The following RSPO2 variants were observed in gnomAD, a reference collection of about 807,000 sequenced individuals.
RSPO2 encodes the protein R-spondin 2.
In RSPO2, 14 loss-of-function variants were observed where a neutral mutation model predicts 30.9. The ratio of observed to expected loss-of-function variants is 0.45; its 90% CI spans 0.30 to 0.71. RSPO2 has a LOEUF of 0.71. RSPO2 is among the 30% of genes least tolerant of loss of function. The pLI, the probability that RSPO2 is intolerant of heterozygous loss-of-function variation, is 0.08. For synonymous variants in RSPO2, 107 were observed against 96.4 expected (o/e 1.11, Z -0.64); for missense variants, 264 against 301.9 (o/e 0.87, Z 0.93).
chr8:107,914,476 T>A (rs1234062032), intron 5 of RSPO2, among the ~76,000 whole-genome samples: 3 of 146,832 alleles, frequency 2.0e-5, no homozygotes, highest in Admixed American at 1.4e-4. Context: ...AAAAAAAAAA[T>A]ACCTTTTAAC....
intron 2 of RSPO2, among the ~76,000 whole-genome samples, chr8:108,002,069 T>C (rs1005949500): frequency 2.0e-5 from 3 of 152,180 alleles, no homozygotes; most frequent in African/African-American, 4.8e-5. Context: ...AAAGTTAGCA[T>C]GCGTGCTATC....
intron 5 of RSPO2, among the ~76,000 whole-genome samples, chr8:107,940,667 G>A (rs903719208): frequency 6.6e-6 from 1 of 152,142 alleles, no homozygotes; most frequent in Non-Finnish European, 1.5e-5. Flanking sequence ...GTAGAGTCTA[G>A]CAAGCAATGT....
intron 5 of RSPO2, among the ~76,000 whole-genome samples, chr8:107,919,561 G>A (rs1288061598): frequency 6.6e-6 from 1 of 152,136 alleles, no homozygotes; most frequent in Non-Finnish European, 1.5e-5. Flanking sequence ...TAAGATCAAT[G>A]CTTGAGATAT....
intron 2 of RSPO2, among the ~76,000 whole-genome samples, chr8:108,067,609 G>C (rs1292873397): frequency 6.6e-6 from 1 of 152,120 alleles, no homozygotes; most frequent in East Asian, 1.9e-4. Flanking sequence ...CCCTTTATAT[G>C]CAACACACAA....
At chr8:108,059,318 T>C (rs201012107) in intron 2 of RSPO2, among the ~76,000 whole-genome samples, 2 of 151,620 alleles carry the variant, frequency 1.3e-5, no homozygotes, top group Non-Finnish European at 2.9e-5. Context: ...TCTCATACCA[T>C]TTAGAATGGC....
At chr8:107,940,699 AAAG>A (rs1259091674) in intron 5 of RSPO2, among the ~76,000 whole-genome samples, 1 of 152,188 alleles carries the variant, frequency 6.6e-6, no homozygotes, top group Non-Finnish European at 1.5e-5. Context: ...CTCAAAAACC[AAAG>A]AACTTGGAAA....
intron 5 of RSPO2, among the ~76,000 whole-genome samples, chr8:107,918,984 C>CT (rs1217838942): frequency 6.6e-6 from 1 of 152,066 alleles, no homozygotes; most frequent in Non-Finnish European, 1.5e-5. Flanking sequence ...CAAATATTTA[C>CT]TTTTAAAACT....
Position 108,000,032 on chromosome 8 carries a change from C to T in RSPO2, c.95-10788G>A, listed in dbSNP as rs184497849. On this transcript the variant is annotated intron_variant, in intron 2 of 5. Transcript: ENST00000276659. Reference sequence around the variant, plus strand: ...ATCTATGAGGTATGTGTCATGAATGCTTCAAAGTCTGATTTAATTAAGACG... The same window carrying T: ...ATCTATGAGGTATGTGTCATGAATGTTTCAAAGTCTGATTTAATTAAGACG... Among the ~76,000 whole-genome samples, 519 of 152,228 alleles carry T rather than the reference C, an allele frequency of 3.4e-3. 1 individual carries two copies. The highest frequency in any genetic ancestry group is 5.3e-3 in the Non-Finnish European group (358 of 68,016).
intron 2 of RSPO2, among the ~76,000 whole-genome samples, chr8:108,022,926 A>C (rs537405053): frequency 5.5e-4 from 82 of 150,068 alleles, no homozygotes; most frequent in Non-Finnish European, 9.9e-4. Flanking sequence ...ACTGTCAAAA[A>C]AAAAAACAAA....
intron 2 of RSPO2, among the ~76,000 whole-genome samples, chr8:108,066,106 G>T (rs1057067155): frequency 1.3e-5 from 2 of 151,902 alleles, no homozygotes; most frequent in Non-Finnish European, 2.9e-5. Flanking sequence ...AAGCCTGATG[G>T]GTTACAAGGG....
At chr8:107,938,996 A>C (rs960093011) in intron 5 of RSPO2, among the ~76,000 whole-genome samples, 3 of 152,190 alleles carry the variant, frequency 2.0e-5, no homozygotes, top group Non-Finnish European at 4.4e-5. Flanking sequence ...GAATCAGCAC[A>C]AAATACATTT....
At chr8:107,950,223 T>G (rs1025171166) in intron 5 of RSPO2, among the ~76,000 whole-genome samples, 5 of 151,402 alleles carry the variant, frequency 3.3e-5, no homozygotes, top group Non-Finnish European at 7.4e-5. Flanking sequence ...ACATGTGTGT[T>G]TATTGTGTAT....
chr8:108,044,489 C>T (rs1349752323), intron 2 of RSPO2, among the ~76,000 whole-genome samples: 3 of 152,084 alleles, frequency 2.0e-5, no homozygotes, highest in African/African-American at 4.8e-5. Context: ...TGCATTAACT[C>T]GCATAGGATA....
chr8:108,052,685 A>G (rs1350553680), intron 2 of RSPO2, among the ~76,000 whole-genome samples: 2 of 152,204 alleles, frequency 1.3e-5, no homozygotes, highest in Non-Finnish European at 2.9e-5. Context: ...CACACCATCC[A>G]ATTAATTCTC....
intron 5 of RSPO2, among the ~76,000 whole-genome samples, chr8:107,941,936 C>T (rs1812909993): frequency 6.6e-6 from 1 of 152,164 alleles, no homozygotes; most frequent in African/African-American, 2.4e-5. Context: ...ATAACTTTCT[C>T]CCATGACCAC....
chr8:107,908,395 A>G (rs1301613416), intron 5 of RSPO2, among the ~76,000 whole-genome samples: 1 of 152,168 alleles, frequency 6.6e-6, no homozygotes, highest in African/African-American at 2.4e-5. Flanking sequence ...ATAGTTTTAA[A>G]ACTATCTAAA....
intron 2 of RSPO2, among the ~76,000 whole-genome samples, chr8:108,037,402 G>A (rs1036224231): frequency 7.2e-5 from 11 of 152,166 alleles, no homozygotes; most frequent in South Asian, 2.1e-4. Context: ...TGAGGAAGCT[G>A]CAGAAGTTAA....
intron 2 of RSPO2, among the ~76,000 whole-genome samples, chr8:108,018,930 G>A (rs1157564271): frequency 6.6e-6 from 1 of 152,134 alleles, no homozygotes; most frequent in African/African-American, 2.4e-5. Context: ...ATGCTTGATA[G>A]AGTTTTAAAA....
At chr8:108,040,773 G>C (rs1420919359) in intron 2 of RSPO2, among the ~76,000 whole-genome samples, 1 of 152,138 alleles carries the variant, frequency 6.6e-6, no homozygotes, top group Non-Finnish European at 1.5e-5. Flanking sequence ...CTGGGCAGGA[G>C]TGCTGATAAT....
Sources: gnomAD v4.1 joint callset for allele counts (sites outside exome capture counted in the v4.1 genomes callset) on GRCh38, gnomAD v4.1.1 for gene constraint, MANE v1.5 for transcripts, NCBI Gene and HGNC (gene_info 2026-07-23, HGNC 2026-07-21) for gene names.